L3MBTL4: variants seen among roughly 807,000 people sequenced by gnomAD.
L3MBTL4 encodes the protein L3MBTL histone methyl-lysine binding protein 4, also known as lethal(3)malignant brain tumor-like protein 4.
A neutral mutation model predicts 84.5 loss-of-function variants in L3MBTL4; 70 were observed. The observed-to-expected ratio is 0.83, with a 90% CI of 0.68 to 1.01. L3MBTL4 has a LOEUF of 1.01. L3MBTL4 is among the 50% of genes least tolerant of loss of function. The pLI, the probability that L3MBTL4 is intolerant of heterozygous loss-of-function variation, is 0.00. For missense variants in L3MBTL4, 715 were observed against 754.8 expected, an observed-to-expected ratio of 0.95 and a Z score of 0.62; for synonymous variants, 274 against 259.8, an observed-to-expected ratio of 1.05 and a Z score of -0.52.
At chr18:6,372,834 T>G (rs1173288979) in intron 1 of L3MBTL4, among the ~76,000 whole-genome samples, 1 of 152,236 alleles carries the variant, frequency 6.6e-6, no homozygotes. Context: ...CTGACTCCAA[T>G]TCTTTCACTT....
chr18:6,358,543 GA>G (rs2053544358), intron 1 of L3MBTL4, among the ~76,000 whole-genome samples: 1 of 152,194 alleles, frequency 6.6e-6, no homozygotes, highest in African/African-American at 2.4e-5. Flanking sequence ...CACCCAAAAA[GA>G]AAGACAGCTG....
chr18:6,056,673 C>T (rs534757669), intron 16 of L3MBTL4, among the ~76,000 whole-genome samples: 15 of 152,248 alleles, frequency 9.9e-5, no homozygotes, highest in Admixed American at 9.8e-4. Context: ...GTCTCCAACC[C>T]CACTTCTAAT....
At chr18:5,966,272 C>A (rs922241230) in intron 17 of L3MBTL4, among the ~76,000 whole-genome samples, 56 of 152,160 alleles carry the variant, frequency 3.7e-4, no homozygotes, top group African/African-American at 1.2e-3. Context: ...TGCATAATGG[C>A]ACCCCTGAGA....
intron 12 of L3MBTL4, among the ~76,000 whole-genome samples, chr18:6,174,997 C>CA (rs2044162256): frequency 6.6e-6 from 1 of 151,592 alleles, no homozygotes; most frequent in Non-Finnish European, 1.5e-5. Context: ...GAATAGTGGT[C>CA]AAACAAAACC....
At chr18:6,097,213 T>G (rs2058668756) in intron 14 of L3MBTL4, among the ~76,000 whole-genome samples, 3 of 152,190 alleles carry the variant, frequency 2.0e-5, no homozygotes, top group Admixed American at 2.0e-4. Context: ...AAACAAAAAG[T>G]TGCCAGACCA....
chr18:5,974,616 A>G (rs1318324751), intron 16 of L3MBTL4, among the ~76,000 whole-genome samples: 2 of 152,090 alleles, frequency 1.3e-5, no homozygotes, highest in Non-Finnish European at 1.5e-5. Flanking sequence ...AAACGACCAA[A>G]CAGACTTGCG....
intron 14 of L3MBTL4, among the ~76,000 whole-genome samples, chr18:6,117,537 A>G (rs532276905): frequency 1.2e-4 from 19 of 152,336 alleles, no homozygotes; most frequent in African/African-American, 4.1e-4. Flanking sequence ...GGAGGGCAGG[A>G]GGATGGGAAA....
chr18:5,981,866 T>C (rs767722081), intron 16 of L3MBTL4, among the ~76,000 whole-genome samples: 4 of 152,064 alleles, frequency 2.6e-5, no homozygotes, highest in African/African-American at 7.2e-5. Flanking sequence ...TTCTGTTCTG[T>C]CATCTATTAT....
chr18:6,298,268 C>T (rs1387339738), intron 4 of L3MBTL4, among the ~76,000 whole-genome samples: 1 of 152,114 alleles, frequency 6.6e-6, no homozygotes, highest in Non-Finnish European at 1.5e-5. Flanking sequence ...TATTTATTTG[C>T]ATTTTAATGA....
At chr18:6,140,800 A>T (rs1352214546) in intron 13 of L3MBTL4, among the ~76,000 whole-genome samples, 2 of 152,034 alleles carry the variant, frequency 1.3e-5, no homozygotes, top group African/African-American at 4.8e-5. Flanking sequence ...AACTCTACTT[A>T]GATCCCACAT....
At chr18:6,116,361 T>C (rs1392599558) in intron 14 of L3MBTL4, among the ~76,000 whole-genome samples, 1 of 65,606 alleles carries the variant, frequency 1.5e-5, no homozygotes, top group African/African-American at 9.4e-5. Context: ...TGTTGCTGGT[T>C]TTTTTTTTTT....
At chr18:6,137,813 G>T (rs898565471) in intron 14 of L3MBTL4, among the ~76,000 whole-genome samples, 1 of 151,958 alleles carries the variant, frequency 6.6e-6, no homozygotes, top group African/African-American at 2.4e-5. Context: ...GAATAAGAAA[G>T]ACAGAAAAAG....
At chr18:6,241,222 T>G in intron 8 of L3MBTL4, 136 bp downstream of exon 8, 1 of 618,642 alleles carries the variant, frequency 1.6e-6, no homozygotes. Context: ...ACTGACGAAT[T>G]AGGTGAGAAA....
chr18:6,405,638 G>A (rs976404925), intron 1 of L3MBTL4, among the ~76,000 whole-genome samples: 3 of 151,744 alleles, frequency 2.0e-5, no homozygotes, highest in Non-Finnish European at 2.9e-5. Context: ...GGCTGGGCGC[G>A]AGGGCCCCCT....
chr18:6,124,058 C>T (rs1184664267), intron 14 of L3MBTL4, among the ~76,000 whole-genome samples: 2 of 152,210 alleles, frequency 1.3e-5, no homozygotes, highest in East Asian at 1.9e-4. Context: ...AAAAGCTGCC[C>T]AGGAGGCATA....
In L3MBTL4 at chr18:6,151,000, G is replaced by A. The variant is rs568513384; in HGVS notation, c.1097-12704C>T. 3.3e-5 allele frequency among the ~76,000 whole-genome samples: 5 copies of A among 152,260 alleles called. No homozygotes were observed. In the East Asian group the frequency reaches 5.8e-4, roughly 18 times the overall value. On this transcript the variant is annotated intron_variant, in intron 13 of 18. Transcript: ENST00000317931. ...CCATCCCAGTACAGACTACAGCAGC[G>A]CCAGGCTCCACAAGGTCAGAGGCCA...
intron 3 of L3MBTL4, among the ~76,000 whole-genome samples, chr18:6,307,716 G>GA (rs150419470): frequency 0.015 from 2,357 of 152,180 alleles, 55 homozygotes; most frequent in African/African-American, 0.054. Flanking sequence ...TTTTGAGAAT[G>GA]AAAAATGTCT....
intron 4 of L3MBTL4, among the ~76,000 whole-genome samples, chr18:6,286,652 T>C (rs903483272): frequency 3.3e-5 from 5 of 152,188 alleles, no homozygotes; most frequent in African/African-American, 9.7e-5. Context: ...TTTTATTTCA[T>C]TTCACCATAC....
intron 12 of L3MBTL4, among the ~76,000 whole-genome samples, chr18:6,172,326 C>G (rs1257291646): frequency 1.3e-5 from 2 of 152,136 alleles, no homozygotes; most frequent in Non-Finnish European, 2.9e-5. Context: ...CAGTAAGAGT[C>G]ACCAACTTGA....
Sources: allele counts gnomAD v4.1 joint callset (sites outside exome capture counted in the v4.1 genomes callset), GRCh38; gene constraint gnomAD v4.1.1; transcripts MANE v1.5; gene names NCBI Gene and HGNC (gene_info 2026-07-23, HGNC 2026-07-21).